Variants in PEBP4 observed in about 807,000 individuals in gnomAD.
PEBP4 encodes the protein phosphatidylethanolamine-binding protein 4.
PEBP4 carries 22 observed loss-of-function variants against 23.9 expected under a neutral mutation model. The ratio of observed to expected loss-of-function variants is 0.92; its 90% CI spans 0.66 to 1.31. PEBP4 has a LOEUF of 1.31. Ranked by LOEUF, PEBP4 falls within the 40% of genes most tolerant of loss-of-function variation. The probability of loss-of-function intolerance (pLI) is 0.00; values close to 1 mark genes in which losing one functional copy is unlikely to be tolerated. For missense variants in PEBP4, 324 were observed against 281.7 expected, an observed-to-expected ratio of 1.15 and a Z score of -1.07; for synonymous variants, 112 against 99.3, an observed-to-expected ratio of 1.13 and a Z score of -0.76.
rs887991988 is a variant in PEBP4 at position 22,798,737 on chromosome 8, T to C, written c.357+18900A>G. ...TTTTCTTTTCTTTTTTCTTTTTTTT[T>C]TTTTTTTTTTTTTTTTTGAGGTGGA... On this transcript the variant is annotated intron_variant, in intron 4 of 6. Transcript: ENST00000256404. 102 of 119,700 alleles carry C rather than the reference T, an allele frequency of 8.5e-4. 1 individual carries two copies. Among genetic ancestry groups the C allele is most frequent in the African/African-American group, 3.6e-3 (82 of 22,502 alleles). 7.4% of individuals were successfully genotyped at this position (119,700 alleles called of 1,614,324 possible). A position where few individuals can be genotyped will look rare whatever the true frequency, so the allele number is the denominator to read the frequency against.
chr8:22,903,831 C>T (rs1329549354), intron 3 of PEBP4, among the ~76,000 whole-genome samples: 1 of 152,214 alleles, frequency 6.6e-6, no homozygotes, highest in African/African-American at 2.4e-5. Flanking sequence ...CCAGCCTCTC[C>T]GCTTCCAGGG....
intron 2 of PEBP4, among the ~76,000 whole-genome samples, chr8:22,926,277 A>T (rs1243835934): frequency 6.6e-6 from 1 of 152,058 alleles, no homozygotes; most frequent in Non-Finnish European, 1.5e-5. Flanking sequence ...TGCCCAGCCT[A>T]CACCCAGAAC....
intron 3 of PEBP4, among the ~76,000 whole-genome samples, chr8:22,901,774 C>T (rs1241511821): frequency 6.6e-6 from 1 of 152,182 alleles, no homozygotes; most frequent in Non-Finnish European, 1.5e-5. Flanking sequence ...TTAGCGAGGG[C>T]ACCGTTCTGT....
At chr8:22,761,578 C>A (rs1805508423) in intron 4 of PEBP4, among the ~76,000 whole-genome samples, 1 of 152,202 alleles carries the variant, frequency 6.6e-6, no homozygotes, top group African/African-American at 2.4e-5. Context: ...AGGTAATGTT[C>A]TGACAGATTA....
chr8:22,908,487 G>A (rs1808865766), intron 3 of PEBP4, among the ~76,000 whole-genome samples: 1 of 152,136 alleles, frequency 6.6e-6, no homozygotes, highest in Admixed American at 6.5e-5. Flanking sequence ...TTGACCACTG[G>A]CTCTCACCCC....
At chr8:22,741,198 C>T (rs1804984002) in intron 4 of PEBP4, among the ~76,000 whole-genome samples, 2 of 152,220 alleles carry the variant, frequency 1.3e-5, no homozygotes, top group Non-Finnish European at 1.5e-5. Context: ...CTCCCTCCTC[C>T]GAGGTGCCCA....
chr8:22,720,960 G>A (rs559311197), intron 6 of PEBP4, among the ~76,000 whole-genome samples: 89 of 152,330 alleles, frequency 5.8e-4, no homozygotes, highest in African/African-American at 1.9e-3. Flanking sequence ...ACTGAGTTAT[G>A]CCAGGCGTGG....
At chr8:22,753,508 T>G (rs548708137) in intron 4 of PEBP4, among the ~76,000 whole-genome samples, 10 of 152,290 alleles carry the variant, frequency 6.6e-5, no homozygotes, top group Non-Finnish European at 1.2e-4. Flanking sequence ...CTTGACAAAA[T>G]AATGAAATCA....
chr8:22,923,367 G>A (rs900880079), intron 2 of PEBP4, among the ~76,000 whole-genome samples: 18 of 152,156 alleles, frequency 1.2e-4, no homozygotes, highest in African/African-American at 3.9e-4. Context: ...AGGAGTTAGA[G>A]GCCAGCCTGG....
At chr8:22,821,759 A>G (rs9644058) in intron 3 of PEBP4, among the ~76,000 whole-genome samples, 100,929 of 151,812 alleles carry the variant, frequency 0.66, 33,971 homozygotes, top group East Asian at 0.87. Context: ...GCTGAGGTGG[A>G]CGGATCATGA....
At chr8:22,764,390 A>G (rs895622945) in intron 4 of PEBP4, among the ~76,000 whole-genome samples, 1 of 152,084 alleles carries the variant, frequency 6.6e-6, no homozygotes, top group African/African-American at 2.4e-5. Flanking sequence ...TGATATGTGA[A>G]GGTGTGAGCT....
intron 3 of PEBP4, among the ~76,000 whole-genome samples, chr8:22,870,561 C>G (rs1008478600): frequency 6.6e-6 from 1 of 152,068 alleles, no homozygotes; most frequent in Non-Finnish European, 1.5e-5. Flanking sequence ...ACACCAAGAG[C>G]GTAACCTAAT....
At chr8:22,715,910 C>T (rs1265492824) in intron 6 of PEBP4, among the ~76,000 whole-genome samples, 2 of 152,150 alleles carry the variant, frequency 1.3e-5, no homozygotes, top group African/African-American at 4.8e-5. Flanking sequence ...CTGTGGTCAC[C>T]GCTCAGAGGA....
rs533999620 is a variant in PEBP4 at position 22,773,947 on chromosome 8, C to A, written c.357+43690G>T. Among the ~76,000 whole-genome samples the A allele has an allele frequency of 3.3e-5, 5 of 152,262 alleles. No homozygotes were observed. In the East Asian group the frequency reaches 9.7e-4, roughly 29 times the overall value. On this transcript the variant is annotated intron_variant, in intron 4 of 6. Coordinates refer to ENST00000256404, the MANE Select transcript of PEBP4 (RefSeq NM_144962.3). ...TGCAGTCCCCTTAACGGGTGCTATACACAGGGGGTAGGGTAGAGAGCCCTG... is the reference window on the plus strand; with the variant it reads ...TGCAGTCCCCTTAACGGGTGCTATAAACAGGGGGTAGGGTAGAGAGCCCTG...
At chr8:22,786,824 CTTT>C (rs112542901) in intron 4 of PEBP4, among the ~76,000 whole-genome samples, 3 of 142,340 alleles carry the variant, frequency 2.1e-5, no homozygotes, top group Admixed American at 7.0e-5. Flanking sequence ...CCCCCTACCG[CTTT>C]TTTTTTTTTT....
At chr8:22,805,481 C>T (rs1806476339) in intron 4 of PEBP4, among the ~76,000 whole-genome samples, 1 of 152,246 alleles carries the variant, frequency 6.6e-6, no homozygotes, top group African/African-American at 2.4e-5. Flanking sequence ...CATGCGCCAC[C>T]ATGCCCATGT....
At chr8:22,748,557 C>G (rs551832199) in intron 4 of PEBP4, among the ~76,000 whole-genome samples, 2 of 151,838 alleles carry the variant, frequency 1.3e-5, no homozygotes, top group South Asian at 4.2e-4. Context: ...CTCTTCTCCC[C>G]TCCCCAGCAT....
intron 3 of PEBP4, among the ~76,000 whole-genome samples, chr8:22,901,087 A>G (rs1033522388): frequency 6.6e-5 from 10 of 152,250 alleles, no homozygotes; most frequent in African/African-American, 9.6e-5. Context: ...CTTGGTCCCC[A>G]TAGATATCAC....
chr8:22,818,989 A>G (rs771618375), intron 3 of PEBP4, among the ~76,000 whole-genome samples: 70 of 152,200 alleles, frequency 4.6e-4, no homozygotes, highest in Non-Finnish European at 7.6e-4. Context: ...GAAGGTGGAC[A>G]TTCAGAGTTC....
Sources: allele counts gnomAD v4.1 joint callset (sites outside exome capture counted in the v4.1 genomes callset), GRCh38; gene constraint gnomAD v4.1.1; transcripts MANE v1.5; gene names NCBI Gene and HGNC (gene_info 2026-07-23, HGNC 2026-07-21).